ERI3: variants seen among roughly 807,000 people sequenced by gnomAD.
ERI3 encodes ERI1 exoribonuclease 3.
A neutral mutation model predicts 44.4 loss-of-function variants in ERI3; 18 were observed. The observed-to-expected ratio is 0.41, with a 90% CI of 0.28 to 0.60. ERI3 has a LOEUF of 0.60. Ranked by LOEUF, ERI3 falls within the 20% of genes least tolerant of loss-of-function variation. The pLI, the probability that ERI3 is intolerant of heterozygous loss-of-function variation, is 0.36. For synonymous variants in ERI3, 183 were observed against 164.8 expected (o/e 1.11, Z -0.84); for missense variants, 294 against 435.5 (o/e 0.68, Z 2.89).
chr1:44,253,822 C>G (rs1230076744), intron 7 of ERI3, among the ~76,000 whole-genome samples: 1 of 152,158 alleles, frequency 6.6e-6, no homozygotes, highest in Non-Finnish European at 1.5e-5. Context: ...GAGGCCCAGC[C>G]AGCCCGCAAC....
chr1:44,298,505 GAATA>G (rs370708255), intron 6 of ERI3, among the ~76,000 whole-genome samples: 3 of 152,226 alleles, frequency 2.0e-5, no homozygotes, highest in East Asian at 1.9e-4. Context: ...AACAAAAAAA[GAATA>G]AATAAAATGT....
At chr1:44,294,432 G>A (rs1021019110) in intron 6 of ERI3, among the ~76,000 whole-genome samples, 6 of 152,140 alleles carry the variant, frequency 3.9e-5, no homozygotes, top group African/African-American at 7.2e-5. Flanking sequence ...CCACAAACAC[G>A]CTGTGGAACC....
intron 7 of ERI3, among the ~76,000 whole-genome samples, chr1:44,265,836 G>C (rs918857447): frequency 1.3e-5 from 2 of 152,162 alleles, no homozygotes; most frequent in Non-Finnish European, 1.5e-5. Flanking sequence ...AATTTATAGA[G>C]ATGGAAAGTA....
At chr1:44,351,830 A>AT (rs970904599) in intron 2 of ERI3, among the ~76,000 whole-genome samples, 96 of 147,056 alleles carry the variant, frequency 6.5e-4, no homozygotes, top group African/African-American at 1.6e-3. Context: ...TCTTCACCTA[A>AT]TTTTTTTTTT....
At chr1:44,259,920 T>TAGATAGACAGACAGACAGACAGAC (rs778936296) in intron 7 of ERI3, among the ~76,000 whole-genome samples, 6 of 129,742 alleles carry the variant, frequency 4.6e-5, no homozygotes, top group African/African-American at 1.7e-4. Flanking sequence ...GATAGATAGA[T>TAGATAGACAGACAGACAGACAGAC]AGACAGACAG....
chr1:44,321,440 C>T (rs1479376958), intron 3 of ERI3, among the ~76,000 whole-genome samples: 1 of 152,202 alleles, frequency 6.6e-6, no homozygotes, highest in African/African-American at 2.4e-5. Context: ...GGGGGACACT[C>T]ATTTCCCAAT....
chr1:44,236,854 C>T (rs965580339), intron 8 of ERI3, among the ~76,000 whole-genome samples: 5 of 152,190 alleles, frequency 3.3e-5, no homozygotes, highest in Admixed American at 1.3e-4. Flanking sequence ...AGGATTTTCA[C>T]TCACCACCTC....
chr1:44,221,715 G>T lies in ERI3; in HGVS notation c.932-75C>A, dbSNP rs754753787. The stretch of plus-strand genomic sequence containing the variant: ...TGCCCACAGGTGCTCTTACAAGGGT[G>T]GGGGTGGGAAGCAGGGTCAGATTCA... On this transcript the variant is annotated intron_variant, in intron 8 of 8. Transcript: ENST00000372257. The surrounding 1 kb of genome is among the most constrained non-coding windows in gnomAD (Gnocchi z 5.9). 7.2e-6 allele frequency: 9 copies of T among 1,242,730 alleles called. No individual in the cohort carries two copies. The highest frequency in any genetic ancestry group is 1.1e-5 in the Non-Finnish European group (9 of 847,372). The allele number at this position is 1,242,730 out of a possible 1,614,324, so 77.0% of individuals were successfully genotyped here.
chr1:44,289,758 G>A (rs1014307714), intron 6 of ERI3, among the ~76,000 whole-genome samples: 1 of 152,252 alleles, frequency 6.6e-6, no homozygotes, highest in Non-Finnish European at 1.5e-5. Flanking sequence ...TAGCTCATTA[G>A]GGGAACACCC....
chr1:44,228,682 A>G lies in ERI3; in HGVS notation c.932-7042T>C, dbSNP rs1738052. Among the ~76,000 whole-genome samples, 106,608 of 152,096 alleles carry G rather than the reference A, an allele frequency of 0.7. 38,329 individuals are homozygous for G. Among genetic ancestry groups the G allele is most frequent in the African/African-American group, 0.87 (36,276 of 41,510 alleles). The stretch of plus-strand genomic sequence containing the variant: ...CGCCAGCTCACAGCCACTTGGGGGC[A>G]GTGGGGTGGAGGGGGGGATGTGCCT... On this transcript the variant is annotated intron_variant, in intron 8 of 8. Coordinates refer to ENST00000372257, the MANE Select transcript of ERI3 (RefSeq NM_024066.3). This position sits in a 1 kb window ranked among gnomAD's most constrained non-coding sequence, Gnocchi z 4.3.
intron 6 of ERI3, among the ~76,000 whole-genome samples, chr1:44,295,374 T>A (rs1163335578): frequency 3.9e-5 from 6 of 152,246 alleles, no homozygotes; most frequent in Non-Finnish European, 7.3e-5. Context: ...GCCTTCATTG[T>A]AGTGTTTTCA....
At chr1:44,234,615 CA>C (rs762881631) in intron 8 of ERI3, among the ~76,000 whole-genome samples, 3 of 152,026 alleles carry the variant, frequency 2.0e-5, no homozygotes, top group Non-Finnish European at 2.9e-5. Context: ...GCCGAGATCA[CA>C]TCACTGCACT....
At chr1:44,250,643 G>A (rs1032248744) in intron 7 of ERI3, among the ~76,000 whole-genome samples, 2 of 152,102 alleles carry the variant, frequency 1.3e-5, no homozygotes, top group Admixed American at 6.5e-5. Flanking sequence ...TGCGGCCGTG[G>A]GTGTCATGCC....
At chr1:44,260,814 C>T (rs1469771841) in intron 7 of ERI3, among the ~76,000 whole-genome samples, 2 of 146,190 alleles carry the variant, frequency 1.4e-5, no homozygotes, top group Non-Finnish European at 3.0e-5. Flanking sequence ...CCACCTGGAA[C>T]GCTCAACTTC....
At chr1:44,336,544 G>A (rs1018186557) in intron 3 of ERI3, among the ~76,000 whole-genome samples, 4 of 72,202 alleles carry the variant, frequency 5.5e-5, no homozygotes, top group Admixed American at 1.5e-4. Flanking sequence ...CTATGTCACA[G>A]CAAGAAGTTA....
chr1:44,247,402 C>CA (rs1280451104), intron 8 of ERI3, among the ~76,000 whole-genome samples: 1 of 152,222 alleles, frequency 6.6e-6, no homozygotes, highest in Non-Finnish European at 1.5e-5. Context: ...TGGACCCCCT[C>CA]AACCCAGGCA....
In ERI3 at chr1:44,308,414, C is replaced by T. The variant is rs199612153; in HGVS notation, c.667-13G>A. On this transcript the variant is annotated splice_polypyrimidine_tract_variant and intron_variant, in intron 5 of 8. Transcript: ENST00000372257. ...ATTCATCGACCCTCTGAAAAGTACA[C>T]AAGAACAAATGAGATTTTCCTTTTT... 6.2e-6 allele frequency: 10 copies of T among 1,610,886 alleles called. No homozygotes were observed. Among genetic ancestry groups the T allele is most frequent in the South Asian group, 5.5e-5 (5 of 91,002 alleles).
At chr1:44,238,519 G>C (rs1487471737) in intron 8 of ERI3, among the ~76,000 whole-genome samples, 1 of 152,100 alleles carries the variant, frequency 6.6e-6, no homozygotes, top group African/African-American at 2.4e-5. Flanking sequence ...CCAAGCAAAG[G>C]CCTTTAGGGA....
chr1:44,297,956 T>C (rs986751824), intron 6 of ERI3, among the ~76,000 whole-genome samples: 2 of 152,158 alleles, frequency 1.3e-5, no homozygotes, highest in Non-Finnish European at 2.9e-5. Flanking sequence ...AAAAGGAAGA[T>C]AAAAGGCCAC....
Sources: gnomAD v4.1 joint callset for allele counts (sites outside exome capture counted in the v4.1 genomes callset) on GRCh38, gnomAD v4.1.1 for gene constraint, Gnocchi (gnomAD v3.1) non-coding constraint, MANE v1.5 for transcripts, NCBI Gene and HGNC (gene_info 2026-07-23, HGNC 2026-07-21) for gene names.